Variants in MGAT4C observed in about 807,000 individuals in gnomAD.
MGAT4C encodes alpha-1,3-mannosyl-glycoprotein 4-beta-N-acetylglucosaminyltransferase C.
MGAT4C carries 19 observed loss-of-function variants against 40.1 expected under a neutral mutation model. That is an observed-to-expected ratio of 0.47 (90% CI 0.33 to 0.70). The LOEUF (loss-of-function observed/expected upper bound fraction) is 0.70. MGAT4C is among the 30% of genes least tolerant of loss of function. The pLI is 0.02. For synonymous variants in MGAT4C, 181 were observed against 187.1 expected, an observed-to-expected ratio of 0.97 and a Z score of 0.27; for missense variants, 491 against 563.2, an observed-to-expected ratio of 0.87 and a Z score of 1.30.
intron 2 of MGAT4C, among the ~76,000 whole-genome samples, chr12:86,620,689 A>G (rs963329712): frequency 6.6e-6 from 1 of 152,172 alleles, no homozygotes; most frequent in African/African-American, 2.4e-5. Flanking sequence ...TGATTTGGCT[A>G]TGTGTTCCCA....
At chr12:86,826,105 T>C (rs1566017415) in intron 1 of MGAT4C, among the ~76,000 whole-genome samples, 1 of 151,350 alleles carries the variant, frequency 6.6e-6, no homozygotes, top group Non-Finnish European at 1.5e-5. Flanking sequence ...ACCTTACAGC[T>C]CCATAATTAT....
intron 1 of MGAT4C, among the ~76,000 whole-genome samples, chr12:86,811,876 T>G (rs2136216730): frequency 6.6e-6 from 1 of 152,316 alleles, no homozygotes; most frequent in Admixed American, 6.5e-5. Flanking sequence ...GCTCTTCTAT[T>G]TTCTAGTTTC....
chr12:86,403,894 G>A (rs1353622775), intron 3 of MGAT4C, among the ~76,000 whole-genome samples: 1 of 152,208 alleles, frequency 6.6e-6, no homozygotes, highest in African/African-American at 2.4e-5. Context: ...AGTTAGGCAG[G>A]ATAGTTTTTG....
At chr12:86,801,254 C>T (rs1161066307) in intron 1 of MGAT4C, among the ~76,000 whole-genome samples, 1 of 151,822 alleles carries the variant, frequency 6.6e-6, no homozygotes, top group East Asian at 1.9e-4. Flanking sequence ...AGAAAACAAC[C>T]ACAACTTGAG....
chr12:86,192,305 G>A (rs1046978168), intron 1 of MGAT4C, among the ~76,000 whole-genome samples: 1 of 152,058 alleles, frequency 6.6e-6, no homozygotes, highest in Non-Finnish European at 1.5e-5. Context: ...GCACTGATTA[G>A]GAAGAAATGG....
chr12:85,972,984 G>A lies in MGAT4C; in HGVS notation c.*6305C>T, dbSNP rs1883700343. 6.6e-6 allele frequency: 1 copy of A among 150,754 alleles called. No homozygotes were observed. Among genetic ancestry groups the A allele is most frequent in the Non-Finnish European group, 1.5e-5 (1 of 67,050 alleles). The allele number at this position is 150,754 out of a possible 1,614,324, so 9.3% of individuals were successfully genotyped here. On this transcript the variant is annotated 3_prime_UTR_variant, in exon 5 of 5. Transcript: ENST00000611864. ...GTACTACCTTAAACATTTTCCAATT[G>A]GAACATACTATAGACAAAACTGACA...
intron 2 of MGAT4C, among the ~76,000 whole-genome samples, chr12:86,629,665 A>C (rs1331135121): frequency 6.6e-6 from 1 of 152,222 alleles, no homozygotes; most frequent in Non-Finnish European, 1.5e-5. Flanking sequence ...TGGGTACATA[A>C]CGAAATGAAG....
intron 1 of MGAT4C, among the ~76,000 whole-genome samples, chr12:86,063,956 C>G (rs952561516): frequency 6.6e-6 from 1 of 152,168 alleles, no homozygotes; most frequent in African/African-American, 2.4e-5. Flanking sequence ...TAGTGGGATA[C>G]TTTAACACCC....
chr12:86,145,246 T>A (rs997807574), intron 1 of MGAT4C, among the ~76,000 whole-genome samples: 1 of 152,164 alleles, frequency 6.6e-6, no homozygotes, highest in Non-Finnish European at 1.5e-5. Flanking sequence ...GATCCAACAT[T>A]AACACAGACT....
chr12:86,002,765 A>ATTTC lies in MGAT4C; in HGVS notation c.-6-13214_-6-13213insGAAA, dbSNP rs372906346. ...GATTATATATCATAATATATATGAGATTTATCTGTGGATGGTATTATCAAA... is the reference window on the plus strand; with the variant it reads ...GATTATATATCATAATATATATGAGATTTCTTTATCTGTGGATGGTATTATCAAA... On this transcript the variant is annotated intron_variant, in intron 2 of 4. Coordinates refer to ENST00000611864, the MANE Select transcript of MGAT4C (RefSeq NM_001351288.2). Among the ~76,000 whole-genome samples, 312 of 150,970 alleles carry ATTTC rather than the reference A, an allele frequency of 2.1e-3. 2 individuals are homozygous for ATTTC. Among genetic ancestry groups the ATTTC allele is most frequent in the African/African-American group, 7.0e-3 (289 of 41,240 alleles).
At chr12:86,423,215 CT>C (rs1182360084) in intron 3 of MGAT4C, among the ~76,000 whole-genome samples, 1 of 151,852 alleles carries the variant, frequency 6.6e-6, no homozygotes, top group Non-Finnish European at 1.5e-5. Context: ...TGTATCAAAA[CT>C]TTATGGATTT....
intron 1 of MGAT4C, among the ~76,000 whole-genome samples, chr12:86,143,261 T>A (rs532567458): frequency 1.3e-5 from 2 of 152,314 alleles, no homozygotes; most frequent in South Asian, 2.1e-4. Context: ...TCATAAGTTG[T>A]CTTAGTTTCA....
chr12:85,971,848 C>T lies in MGAT4C; in HGVS notation c.*7441G>A, dbSNP rs551735258. On this transcript the variant is annotated 3_prime_UTR_variant, in exon 5 of 5. Transcript: ENST00000611864. ...GTTGTTATTTTTACACATCTGGATG[C>T]TCAGAAAGGCCTCCTTACCACAATA... is the stretch of plus-strand genomic sequence containing the variant. 6.6e-6 allele frequency: 1 copy of T among 151,224 alleles called. No homozygotes were observed. Among genetic ancestry groups the T allele is most frequent in the South Asian group, 2.1e-4 (1 of 4,826 alleles). 9.4% of individuals were successfully genotyped at this position (151,224 alleles called of 1,614,324 possible). A position where few individuals can be genotyped will look rare whatever the true frequency, so the allele number is the denominator to read the frequency against.
intron 2 of MGAT4C, among the ~76,000 whole-genome samples, chr12:86,684,386 A>G (rs1283728128): frequency 6.6e-6 from 1 of 152,206 alleles, no homozygotes; most frequent in Non-Finnish European, 1.5e-5. Context: ...GCAGCATAGT[A>G]TTCCATGGTA....
At chr12:86,662,141 A>G (rs979371116) in intron 2 of MGAT4C, among the ~76,000 whole-genome samples, 4 of 152,152 alleles carry the variant, frequency 2.6e-5, no homozygotes, top group African/African-American at 9.7e-5. Flanking sequence ...GTGACCTACT[A>G]ATACTTAGGC....
rs1036983919 is a variant in MGAT4C, at chr12:85,971,174, ATAAT to A, written c.*8111_*8114del. 2 of 151,324 alleles carry A rather than the reference ATAAT, an allele frequency of 1.3e-5. No homozygotes were observed. Among genetic ancestry groups the A allele is most frequent in the South Asian group, 2.1e-4 (1 of 4,822 alleles). The allele number at this position is 151,324 out of a possible 1,614,324, so 9.4% of individuals were successfully genotyped here. A position where few individuals can be genotyped will look rare whatever the true frequency, so the allele number is the denominator to read the frequency against. Reference sequence around the variant, plus strand: ...ATTCATAAGGATAAAAGATATCAAAATAATTAAACAAATTTCACTTTCTTCTTAT... The same window carrying A: ...ATTCATAAGGATAAAAGATATCAAAATAAACAAATTTCACTTTCTTCTTAT... On this transcript the variant is annotated 3_prime_UTR_variant, in exon 5 of 5. Coordinates refer to ENST00000611864, the MANE Select transcript of MGAT4C (RefSeq NM_001351288.2).
At chr12:86,825,374 C>T (rs757312391) in intron 1 of MGAT4C, among the ~76,000 whole-genome samples, 8 of 150,778 alleles carry the variant, frequency 5.3e-5, no homozygotes, top group East Asian at 3.9e-4. Context: ...ATAAACCTGA[C>T]GCAAAGTGAT....
rs1447135743 is a variant in MGAT4C at position 86,112,115 on chromosome 12, A to G, written c.-56-62392T>C. On this transcript the variant is annotated intron_variant, in intron 1 of 4. Transcript: ENST00000611864. ...AAAAATGAAGACTGAAGTGCATATC[A>G]TCTATGCATTATTCATACTTGAAAA... Among the ~76,000 whole-genome samples the G allele has an allele frequency of 2.0e-5, 3 of 151,748 alleles. No individual in the cohort carries two copies. In the East Asian group the frequency reaches 5.8e-4, roughly 29 times the overall value.
intron 2 of MGAT4C, among the ~76,000 whole-genome samples, chr12:86,698,695 C>G (rs1950303068): frequency 1.3e-5 from 2 of 151,790 alleles, no homozygotes. Context: ...GGTGGGTATT[C>G]TGTTGATTTA....
Sources: allele counts gnomAD v4.1 joint callset (sites outside exome capture counted in the v4.1 genomes callset), GRCh38; gene constraint gnomAD v4.1.1; transcripts MANE v1.5; gene names NCBI Gene and HGNC (gene_info 2026-07-23, HGNC 2026-07-21).